STXBP3: variants seen among roughly 807,000 people sequenced by gnomAD.
STXBP3 encodes syntaxin binding protein 3.
Under a neutral mutation model 85.7 loss-of-function variants are expected in STXBP3, and 41 were observed. The ratio of observed to expected loss-of-function variants is 0.48; its 90% CI spans 0.37 to 0.62. STXBP3 has a LOEUF of 0.62. Among genes scored for constraint, STXBP3 ranks in the 20% least tolerant of loss-of-function variants. The probability of loss-of-function intolerance (pLI) is 0.00; values close to 1 mark genes in which losing one functional copy is unlikely to be tolerated. For synonymous variants in STXBP3, 229 were observed against 231.7 expected, an observed-to-expected ratio of 0.99 and a Z score of 0.10; for missense variants, 563 against 703.1, an observed-to-expected ratio of 0.80 and a Z score of 2.25.
Position 108,760,033 on chromosome 1 carries a change from C to T in STXBP3, c.386C>T (p.Ser129Leu). ...AAAATTAAGGCTTCTTGCTCCAAGT[C>T]AATAAGAAGATGTAAAGAAATAAAT... is the stretch of plus-strand genomic sequence containing the variant. ...FNKIKASCSKSIRRCKEINIS... is the reference protein window; with the variant it reads ...FNKIKASCSKLIRRCKEINIS... The change falls in exon 6 of 19, where the codon TCA becomes TTA. Residue 129 changes from serine (S) to leucine (L), a missense_variant. Around this residue, in one of 3 missense-constraint regions of STXBP3, gnomAD observed 494 missense variants for 592.8 expected, o/e 0.83. Transcript: ENST00000370008. The T allele has an allele frequency of 6.3e-7, 1 of 1,574,884 alleles. No homozygotes were observed. The highest frequency in any genetic ancestry group is 1.2e-5 in the South Asian group (1 of 82,884).
At chr1:108,792,435 GCATA>G (rs1662996210) in intron 11 of STXBP3, among the ~76,000 whole-genome samples, 2 of 152,140 alleles carry the variant, frequency 1.3e-5, no homozygotes, top group African/African-American at 4.8e-5. Flanking sequence ...GTTTATACGT[GCATA>G]CAGTGTGTAA....
intron 6 of STXBP3, among the ~76,000 whole-genome samples, chr1:108,763,814 T>G (rs1387226710): frequency 6.6e-6 from 1 of 152,002 alleles, no homozygotes; most frequent in Non-Finnish European, 1.5e-5. Context: ...ACTCCCGACC[T>G]CAAGTGATCT....
At chr1:108,760,124 C>T in intron 6 of STXBP3, 39 bp downstream of exon 6, 2 of 1,323,114 alleles carry the variant, frequency 1.5e-6, no homozygotes, top group Non-Finnish European at 2.1e-6. Flanking sequence ...TGAGAGGTTT[C>T]AAATTTGGTT....
chr1:108,746,733 G>C lies in STXBP3; in HGVS notation c.-5G>C. ...TGGTGGCTGCTGCTCCGCAGTGTCGGGAAGATGGCGCCGCCGGTGGCAGAG... is the reference window on the plus strand; with the variant it reads ...TGGTGGCTGCTGCTCCGCAGTGTCGCGAAGATGGCGCCGCCGGTGGCAGAG... On this transcript the variant is annotated 5_prime_UTR_variant, in exon 1 of 19. Coordinates refer to ENST00000370008, the MANE Select transcript of STXBP3 (RefSeq NM_007269.4). 2 of 1,550,172 alleles carry C rather than the reference G, an allele frequency of 1.3e-6. No homozygotes were observed. The highest frequency in any genetic ancestry group is 1.7e-6 in the Non-Finnish European group (2 of 1,146,470).
chr1:108,782,118 G>T, intron 9 of STXBP3: 1 of 257,200 alleles, frequency 3.9e-6, no homozygotes. Context: ...ATTGAGTCTT[G>T]TTCTTAAAGT....
At chr1:108,775,289 A>G (rs979933115) in intron 7 of STXBP3, among the ~76,000 whole-genome samples, 3 of 151,750 alleles carry the variant, frequency 2.0e-5, no homozygotes, top group Non-Finnish European at 4.4e-5. Flanking sequence ...TTCTTAAATA[A>G]TTTTTGTGGA....
chr1:108,753,305 G>A (rs1180576213), intron 3 of STXBP3, 161 bp downstream of exon 3: 3 of 432,178 alleles, frequency 6.9e-6, no homozygotes, highest in Non-Finnish European at 1.2e-5. Flanking sequence ...TCTTCTGTCA[G>A]TTTTTTTCCC....
At chr1:108,796,781 A>T in intron 15 of STXBP3, 55 bp downstream of exon 15, 2 of 1,339,490 alleles carry the variant, frequency 1.5e-6, no homozygotes, top group Non-Finnish European at 2.0e-6. Flanking sequence ...GTATGGTTGT[A>T]TGTATTAACT....
intron 16 of STXBP3, 120 bp from the exon 17 acceptor site, chr1:108,800,100 C>T (rs914821419): frequency 1.4e-6 from 1 of 697,576 alleles, no homozygotes; most frequent in Non-Finnish European, 2.5e-6. Flanking sequence ...AAAGACTAAT[C>T]TTATACTAAA....
chr1:108,802,083 A>G (rs1461756107), intron 17 of STXBP3, among the ~76,000 whole-genome samples: 3 of 151,812 alleles, frequency 2.0e-5, no homozygotes, highest in African/African-American at 7.3e-5. Flanking sequence ...TGGCTTCTTT[A>G]CTTCTGGGAT....
chr1:108,790,821 G>GT (rs1662958098), intron 11 of STXBP3, among the ~76,000 whole-genome samples: 1 of 151,818 alleles, frequency 6.6e-6, no homozygotes, highest in Non-Finnish European at 1.5e-5. Flanking sequence ...TCTTATAATA[G>GT]TTTAACTTTA....
intron 6 of STXBP3, 131 bp downstream of exon 6, chr1:108,760,216 G>T: frequency 1.9e-6 from 1 of 526,574 alleles, no homozygotes; most frequent in Non-Finnish European, 3.3e-6. Flanking sequence ...TCCACAAATA[G>T]ACATTTCCCA....
intron 7 of STXBP3, among the ~76,000 whole-genome samples, chr1:108,774,967 T>C (rs1662555582): frequency 7.0e-6 from 1 of 142,034 alleles, no homozygotes; most frequent in South Asian, 2.2e-4. Context: ...ATCCTGTCTT[T>C]TAAAATTCTA....
chr1:108,807,255 CT>C (rs1285147240), intron 17 of STXBP3, 145 bp from the exon 18 acceptor site: 1 of 714,774 alleles, frequency 1.4e-6, no homozygotes. Flanking sequence ...GAGACTCCAC[CT>C]CAAAAAAAAA....
intron 7 of STXBP3, among the ~76,000 whole-genome samples, chr1:108,775,331 G>C (rs186500419): frequency 6.6e-6 from 1 of 151,820 alleles, no homozygotes; most frequent in African/African-American, 2.4e-5. Flanking sequence ...TATGGGGTAC[G>C]TGACACATTT....
At chr1:108,758,422 GAAAT>G in intron 4 of STXBP3, 84 bp from the exon 5 acceptor site, 2 of 659,006 alleles carry the variant, frequency 3.0e-6, no homozygotes, top group Non-Finnish European at 4.7e-6. Flanking sequence ...TTTTGTCACT[GAAAT>G]AAAATAATCT....
At chr1:108,752,374 T>A in intron 2 of STXBP3, 68 bp downstream of exon 2, 1 of 1,425,012 alleles carries the variant, frequency 7.0e-7, no homozygotes, top group East Asian at 2.3e-5. Context: ...GTATAAAAAC[T>A]ACATAGTATT....
chr1:108,792,312 A>T (rs147122997), intron 11 of STXBP3, among the ~76,000 whole-genome samples: 1 of 152,116 alleles, frequency 6.6e-6, no homozygotes, highest in Non-Finnish European at 1.5e-5. Context: ...TCTGCCAACA[A>T]CATCTTAGGT....
intron 17 of STXBP3, among the ~76,000 whole-genome samples, chr1:108,802,589 C>T (rs1386437035): frequency 6.6e-6 from 1 of 152,088 alleles, no homozygotes; most frequent in Non-Finnish European, 1.5e-5. Context: ...TTAGATGCAG[C>T]CCAGGCTAGA....
Sources: allele counts gnomAD v4.1 joint callset (sites outside exome capture counted in the v4.1 genomes callset), GRCh38; gene constraint gnomAD v4.1.1; regional missense constraint gnomAD v4.1.1; transcripts MANE v1.5; gene names NCBI Gene and HGNC (gene_info 2026-07-23, HGNC 2026-07-21).